The following DNAH8 variants were observed in gnomAD, a reference collection of about 807,000 sequenced individuals.
DNAH8 encodes axonemal beta dynein heavy chain 8.
Under a neutral mutation model 562.1 loss-of-function variants are expected in DNAH8, and 382 were observed. That is an observed-to-expected ratio of 0.68 (90% CI 0.63 to 0.74). The LOEUF is 0.74. DNAH8 is among the 30% of genes least tolerant of loss of function. The probability of loss-of-function intolerance (pLI) is 0.00; values close to 1 mark genes in which losing one functional copy is unlikely to be tolerated. For synonymous variants in DNAH8, 1,881 were observed against 1,919.4 expected (o/e 0.98, Z 0.52); for missense variants, 5,203 against 5,620.4 (o/e 0.93, Z 2.37).
intron 1 of DNAH8, among the ~76,000 whole-genome samples, chr6:38,721,461 C>T (rs187714410): frequency 7.7e-4 from 117 of 151,746 alleles, no homozygotes; most frequent in Non-Finnish European, 1.1e-3. Context: ...GCTATGATCA[C>T]GCCACTGCAC....
intron 79 of DNAH8, among the ~76,000 whole-genome samples, chr6:38,944,641 A>G (rs1025124877): frequency 1.3e-5 from 2 of 152,234 alleles, no homozygotes; most frequent in African/African-American, 4.8e-5. Flanking sequence ...AATGCTGGGT[A>G]TGCCCATTTG....
intron 88 of DNAH8, among the ~76,000 whole-genome samples, chr6:38,994,681 T>C (rs943522942): frequency 1.0e-4 from 15 of 146,210 alleles, no homozygotes; most frequent in African/African-American, 3.1e-4. Flanking sequence ...GGAGTCATGC[T>C]CTGTTGCCCA....
At chr6:38,806,321 C>T (rs1009037036) in intron 23 of DNAH8, among the ~76,000 whole-genome samples, 1 of 152,288 alleles carries the variant, frequency 6.6e-6, no homozygotes, top group Admixed American at 6.5e-5. Context: ...CCCATTTATT[C>T]CACTTTCACC....
chr6:38,859,609 T>G (rs553875290), intron 42 of DNAH8, among the ~76,000 whole-genome samples: 79 of 152,288 alleles, frequency 5.2e-4, no homozygotes, highest in South Asian at 2.3e-3. Context: ...TTTCACCAGT[T>G]TCACTGGAAA....
At chr6:38,931,360 T>C (rs1782539920) in intron 75 of DNAH8, 1 of 152,266 alleles carries the variant, frequency 6.6e-6, no homozygotes, top group African/African-American at 2.4e-5. Context: ...TTGTCAAATA[T>C]GCTTCAGATA....
rs1239614458 is a variant in DNAH8, at chr6:38,971,600, A to C, written c.12460A>C (p.Thr4154Pro). The change falls in exon 83 of 93, where the codon ACT (threonine) becomes CCT (proline). Residue 4154 changes from threonine to proline, a missense_variant. Around this residue, in one of 6 missense-constraint regions of DNAH8, gnomAD observed 1,399 missense variants for 1,518.4 expected, o/e 0.92. Transcript: ENST00000327475. ...TTTCTCCTATGTTACAGAATGTAGA[A>C]CTATCTCAATGGGGCAAGGACAAGA... Reference protein sequence around the residue: ...LAKKLKLECRTISMGQGQEVH... With the variant: ...LAKKLKLECRPISMGQGQEVH... 2.5e-6 allele frequency: 4 copies of C among 1,585,132 alleles called. No homozygotes were observed. The highest frequency in any genetic ancestry group is 3.4e-6 in the Non-Finnish European group (4 of 1,166,844).
chr6:38,873,420 T>C, intron 52 of DNAH8, 44 bp downstream of exon 52: 1 of 1,531,974 alleles, frequency 6.5e-7, no homozygotes, highest in Non-Finnish European at 8.8e-7. Context: ...TTTTGATTTT[T>C]TTTTCACTCA....
At chr6:38,910,242 AC>A (rs1200714911) in intron 65 of DNAH8, among the ~76,000 whole-genome samples, 1 of 152,174 alleles carries the variant, frequency 6.6e-6, no homozygotes, top group Non-Finnish European at 1.5e-5. Flanking sequence ...TGGGAAAACC[AC>A]TCACTAAAAG....
chr6:38,725,626 G>A (rs1235911769), intron 3 of DNAH8, among the ~76,000 whole-genome samples: 1 of 152,164 alleles, frequency 6.6e-6, no homozygotes, highest in East Asian at 1.9e-4. Flanking sequence ...GAAGTAGGTT[G>A]TGGTTTCCCA....
rs916512111 is a variant in DNAH8, at chr6:38,761,601, G to A, written c.1516-101G>A. ...ATGAGCCACTGCACTTGGCCCATAG[G>A]TTTATTCTTTATCATATTTTTATGC... On this transcript the variant is annotated intron_variant, in intron 10 of 92. Transcript: ENST00000327475. 41 of 725,256 alleles carry A rather than the reference G, an allele frequency of 5.7e-5. No homozygotes were observed. The East Asian group carries it at 1.4e-3, about 24-fold the overall frequency. 44.9% of individuals were successfully genotyped at this position (725,256 alleles called of 1,614,324 possible).
chr6:38,863,771 C>T, intron 44 of DNAH8, 102 bp from the exon 45 acceptor site: 6 of 879,234 alleles, frequency 6.8e-6, no homozygotes, highest in Non-Finnish European at 8.5e-6. Flanking sequence ...TTACATAATC[C>T]CGTTTCAATG....
At chr6:38,723,547 A>C in intron 3 of DNAH8, 76 bp downstream of exon 3, 1 of 1,439,688 alleles carries the variant, frequency 6.9e-7, no homozygotes, top group Non-Finnish European at 9.1e-7. Context: ...GAGTTGTCAT[A>C]AACAGCAACA....
intron 74 of DNAH8, 86 bp downstream of exon 74, chr6:38,926,296 G>T: frequency 2.1e-6 from 3 of 1,435,316 alleles, no homozygotes; most frequent in Non-Finnish European, 2.8e-6. Flanking sequence ...TCATAAAGTT[G>T]TCATCTCCAT....
chr6:38,895,989 A>G (rs185754991), intron 59 of DNAH8, 44 bp from the exon 60 acceptor site: 41 of 1,534,670 alleles, frequency 2.7e-5, no homozygotes, highest in South Asian at 3.6e-5. Flanking sequence ...GTTAGAAAAG[A>G]TGCTTTCATA....
At chr6:38,829,622 C>T (rs532982621) in intron 30 of DNAH8, among the ~76,000 whole-genome samples, 2 of 152,244 alleles carry the variant, frequency 1.3e-5, no homozygotes, top group African/African-American at 4.8e-5. Flanking sequence ...TCTTGGTAGC[C>T]TTGCTGAAAA....
At chr6:38,859,068 T>A (rs1051405929) in intron 42 of DNAH8, among the ~76,000 whole-genome samples, 2 of 152,250 alleles carry the variant, frequency 1.3e-5, no homozygotes, top group African/African-American at 4.8e-5. Context: ...GCATCCCAAC[T>A]AAATGAGATG....
At chr6:39,026,359 C>T (rs979878630) in intron 91 of DNAH8, among the ~76,000 whole-genome samples, 187 bp from the exon 92 acceptor site, 5 of 152,184 alleles carry the variant, frequency 3.3e-5, no homozygotes, top group Non-Finnish European at 5.9e-5. Context: ...AAAGATTTAG[C>T]TCATTGCAGG....
intron 38 of DNAH8, 80 bp from the exon 39 acceptor site, chr6:38,851,492 G>A: frequency 1.3e-6 from 1 of 787,240 alleles, no homozygotes. Flanking sequence ...AAAGATGTTA[G>A]TGATTATGTC....
chr6:38,914,392 C>CTTTT (rs66765653), intron 67 of DNAH8, among the ~76,000 whole-genome samples: 15 of 63,988 alleles, frequency 2.3e-4, no homozygotes, highest in Admixed American at 9.3e-4. Context: ...TGCTTTTTCT[C>CTTTT]TTTTTTTTTT....
Sources: allele counts gnomAD v4.1 joint callset (sites outside exome capture counted in the v4.1 genomes callset), GRCh38; gene constraint gnomAD v4.1.1; regional missense constraint gnomAD v4.1.1; transcripts MANE v1.5; gene names NCBI Gene and HGNC (gene_info 2026-07-23, HGNC 2026-07-21).